The following EGLN3 variants were observed in gnomAD, a reference collection of about 807,000 sequenced individuals.
EGLN3 encodes prolyl hydroxylase EGLN3.
In EGLN3, 15 loss-of-function variants were observed where a neutral mutation model predicts 26.0. That is an observed-to-expected ratio of 0.58 (90% CI 0.39 to 0.89). EGLN3 has a LOEUF of 0.89. Among genes scored for constraint, EGLN3 ranks in the 40% least tolerant of loss-of-function variants. The probability of loss-of-function intolerance (pLI) is 0.00; values close to 1 mark genes in which losing one functional copy is unlikely to be tolerated. For missense variants in EGLN3, 238 were observed against 311.6 expected (o/e 0.76, Z 1.78); for synonymous variants, 147 against 127.2 (o/e 1.16, Z -1.05).
In EGLN3 at chr14:33,936,898, A is replaced by G. The variant is rs553095412; in HGVS notation, c.358-5683T>C. On this transcript the variant is annotated intron_variant, in intron 1 of 4. Coordinates refer to ENST00000250457, the MANE Select transcript of EGLN3 (RefSeq NM_022073.4). ...TTCCACTTGGCTCTGACAAGGAGTG[A>G]GAGAAAAGAACTCAAAAAATCATTT... 1.8e-4 allele frequency among the ~76,000 whole-genome samples: 28 copies of G among 152,310 alleles called. No individual in the cohort carries two copies. In the South Asian group the frequency reaches 2.3e-3, roughly 12 times the overall value.
Position 33,925,049 on chromosome 14 carries a change from T to C in EGLN3, c.*842A>G, listed in dbSNP as rs989758008. Reference sequence around the variant, plus strand: ...TTTATTGTATATCAGTAGACCTAGCTCTTTCCACAGTTATCAGTGGTTAAC... The same window carrying C: ...TTTATTGTATATCAGTAGACCTAGCCCTTTCCACAGTTATCAGTGGTTAAC... On this transcript the variant is annotated 3_prime_UTR_variant, in exon 5 of 5. Transcript: ENST00000250457. The C allele has an allele frequency of 4.0e-5, 6 of 151,144 alleles. No individual in the cohort carries two copies. The highest frequency in any genetic ancestry group is 1.5e-4 in the African/African-American group (6 of 41,168). 9.4% of individuals were successfully genotyped at this position (151,144 alleles called of 1,614,324 possible). A position where few individuals can be genotyped will look rare whatever the true frequency, so the allele number is the denominator to read the frequency against.
rs540232249 is a variant in EGLN3 at position 33,931,294 on chromosome 14, AAC to A, written c.358-81_358-80del. 5.7e-4 allele frequency: 910 copies of A among 1,595,662 alleles called. 7 individuals carry two copies. In the African/African-American group the frequency reaches 0.011, roughly 19 times the overall value. On this transcript the variant is annotated intron_variant, in intron 1 of 4. Transcript: ENST00000250457. The stretch of plus-strand genomic sequence containing the variant: ...TCCTCCCACTGGTGAGCAGATAAGT[AAC>A]ACAGTCTCCTTGGGTGTTACGTGAC...
chr14:33,950,328 T>C (rs771583783), intron 1 of EGLN3, 68 bp downstream of exon 1: 5 of 1,458,496 alleles, frequency 3.4e-6, no homozygotes, highest in African/African-American at 2.8e-5. Flanking sequence ...GAAGTCGACA[T>C]ACAACGGACT....
chr14:33,928,844 G>T (rs2064380477), intron 3 of EGLN3, among the ~76,000 whole-genome samples: 1 of 152,224 alleles, frequency 6.6e-6, no homozygotes, highest in Admixed American at 6.5e-5. Context: ...AATCCAATAT[G>T]CTCATCTAAT....
chr14:33,930,962 G>T, intron 2 of EGLN3, 134 bp downstream of exon 2: 1 of 1,327,520 alleles, frequency 7.5e-7, no homozygotes, highest in Non-Finnish European at 1.0e-6. Flanking sequence ...AGGAGGTTAT[G>T]AAATGGAAAT....
At chr14:33,933,428 AACCCCT>A (rs2064418383) in intron 1 of EGLN3, among the ~76,000 whole-genome samples, 1 of 152,174 alleles carries the variant, frequency 6.6e-6, no homozygotes, top group Non-Finnish European at 1.5e-5. Flanking sequence ...ATTAGGACAA[AACCCCT>A]ACATGTCAGC....
intron 1 of EGLN3, among the ~76,000 whole-genome samples, chr14:33,935,041 A>T (rs775454337): frequency 2.0e-5 from 3 of 152,242 alleles, no homozygotes; most frequent in Admixed American, 6.5e-5. Context: ...CTTTGTAAGG[A>T]TTCATTTTGA....
intron 1 of EGLN3, among the ~76,000 whole-genome samples, chr14:33,942,149 A>G (rs1370839292): frequency 1.3e-5 from 2 of 152,198 alleles, no homozygotes; most frequent in Non-Finnish European, 2.9e-5. Flanking sequence ...AAGTACATAA[A>G]ATGGATTACA....
Position 33,931,232 on chromosome 14 carries a change from A to G in EGLN3, c.358-17T>C, listed in dbSNP as rs749828331. 15 of 1,614,002 alleles carry G rather than the reference A, an allele frequency of 9.3e-6. No individual in the cohort carries two copies. Among genetic ancestry groups the G allele is most frequent in the Admixed American group, 6.7e-5 (4 of 59,994 alleles). On this transcript the variant is annotated splice_polypyrimidine_tract_variant and intron_variant, in intron 1 of 4. Transcript: ENST00000250457. ...CACCATTGCCTATGGAGAAATCCCA[A>G]GAAAGCTGGTTAACAAAGCTGAGAC...
intron 1 of EGLN3, chr14:33,949,913 G>A (rs1015112031): frequency 4.4e-6 from 1 of 226,552 alleles, no homozygotes; most frequent in Non-Finnish European, 8.6e-6. Context: ...CAAACCAACT[G>A]CCACATGGCA....
In EGLN3 at chr14:33,950,541, C is replaced by G; in HGVS notation, c.212G>C (p.Arg71Pro). 4 of 1,612,628 alleles carry G rather than the reference C, an allele frequency of 2.5e-6. No homozygotes were observed. The Middle Eastern group carries it at 6.6e-4, about 267-fold the overall frequency. Reference protein sequence around the residue: ...LAGPRAGVSKRHLRGDQITWI... With the variant: ...LAGPRAGVSKPHLRGDQITWI... ...CGTGATCTGGTCGCCCCGCAGGTGT[C>G]GCTTGGAGACGCCGGCGCGCGGCCC... Residue 71 changes from arginine to proline, a missense_variant, in exon 1 of 5, where the codon CGA becomes CCA. By Grantham distance (103) the Arg-to-Pro change is moderately radical (BLOSUM62 -2). Coordinates refer to ENST00000250457, the MANE Select transcript of EGLN3 (RefSeq NM_022073.4).
At chr14:33,946,308 G>A (rs551190912) in intron 1 of EGLN3, among the ~76,000 whole-genome samples, 2 of 152,220 alleles carry the variant, frequency 1.3e-5, no homozygotes, top group Admixed American at 1.3e-4. Flanking sequence ...CCCAGGAGGC[G>A]GAGGTTGTGG....
At chr14:33,935,843 G>A (rs2064438381) in intron 1 of EGLN3, among the ~76,000 whole-genome samples, 1 of 151,952 alleles carries the variant, frequency 6.6e-6, no homozygotes, top group Non-Finnish European at 1.5e-5. Context: ...CTTCCCCCAT[G>A]TCCACCCAGT....
chr14:33,929,688 A>G (rs1309946222), intron 2 of EGLN3, among the ~76,000 whole-genome samples: 2 of 152,122 alleles, frequency 1.3e-5, no homozygotes, highest in Admixed American at 1.3e-4. Context: ...TTAGCTAGAG[A>G]TATCTCCTTA....
chr14:33,935,662 G>A (rs1189557618), intron 1 of EGLN3, among the ~76,000 whole-genome samples: 1 of 151,588 alleles, frequency 6.6e-6, no homozygotes, highest in Non-Finnish European at 1.5e-5. Flanking sequence ...TATATTTTGA[G>A]ATCACTGTGT....
intron 2 of EGLN3, among the ~76,000 whole-genome samples, chr14:33,929,859 A>G (rs999664012): frequency 1.2e-4 from 19 of 152,160 alleles, no homozygotes; most frequent in East Asian, 1.9e-4. Context: ...CCATCTAACC[A>G]TTAACAACTT....
intron 3 of EGLN3, 42 bp from the exon 4 acceptor site, chr14:33,927,075 ACT>A: frequency 5.0e-6 from 7 of 1,402,078 alleles, no homozygotes; most frequent in African/African-American, 1.4e-5. Context: ...ATTTAATGGT[ACT>A]ACTAGAAACA....
chr14:33,926,854 G>T, intron 4 of EGLN3, 106 bp downstream of exon 4: 1 of 754,730 alleles, frequency 1.3e-6, no homozygotes, highest in Non-Finnish European at 2.0e-6. Flanking sequence ...TATATATAAA[G>T]CTAAGCCGTA....
intron 1 of EGLN3, chr14:33,948,217 A>G (rs1044637671): frequency 1.3e-5 from 2 of 152,228 alleles, no homozygotes; most frequent in Non-Finnish European, 2.9e-5. Context: ...AATAAAAATC[A>G]TGTAGAAATG....
Sources: gnomAD v4.1 joint callset for allele counts (sites outside exome capture counted in the v4.1 genomes callset) on GRCh38, gnomAD v4.1.1 for gene constraint, MANE v1.5 for transcripts, NCBI Gene and HGNC (gene_info 2026-07-23, HGNC 2026-07-21) for gene names.